EXT2: variants seen among roughly 807,000 people sequenced by gnomAD.
EXT2 encodes exostosin-2.
EXT2 carries 53 observed loss-of-function variants against 81.6 expected under a neutral mutation model. The observed-to-expected ratio is 0.65, with a 90% confidence interval of 0.52 to 0.82. The LOEUF is 0.82. Among genes scored for constraint, EXT2 ranks in the 40% least tolerant of loss-of-function variants. The pLI is 0.00. For missense variants in EXT2, 774 were observed against 910.2 expected, an observed-to-expected ratio of 0.85 and a Z score of 1.93; for synonymous variants, 320 against 340.0, an observed-to-expected ratio of 0.94 and a Z score of 0.65.
intron 1 of EXT2, among the ~76,000 whole-genome samples, chr11:44,101,879 C>A (rs1470655689): frequency 6.7e-6 from 1 of 148,668 alleles, no homozygotes; most frequent in Non-Finnish European, 1.5e-5. Context: ...CACTCTGATG[C>A]GAATAGAACA....
chr11:44,229,947 T>C (rs758660127), intron 10 of EXT2, among the ~76,000 whole-genome samples: 5 of 152,218 alleles, frequency 3.3e-5, no homozygotes, highest in Non-Finnish European at 7.3e-5. Context: ...ACAGTCTCTG[T>C]CCTCTTTGAG....
chr11:44,234,194 T>C lies in EXT2; in HGVS notation c.1886T>C (p.Ile629Thr), dbSNP rs926445557. 2 of 1,614,176 alleles carry C rather than the reference T, an allele frequency of 1.2e-6. No individual in the cohort carries two copies. Among genetic ancestry groups the C allele is most frequent in the Admixed American group, 1.7e-5 (1 of 60,022 alleles). The change falls in exon 12 of 14, where the codon ATT becomes ACT. Residue 629 changes from isoleucine (I) to threonine (T), a missense_variant. Physicochemically the swap from Ile to Thr is moderately conservative, Grantham distance 89. This residue lies in a region of EXT2 where 148 missense variants were observed against 239.7 expected (regional missense o/e 0.62). Coordinates refer to ENST00000533608, the MANE Select transcript of EXT2 (RefSeq NM_207122.2). ...WVDAHMNCED[I>T]AMNFLVANVT... ...GATGCTCATATGAACTGTGAAGATA[T>C]TGCCATGAACTTCCTGGTGGCCAAC...
intron 10 of EXT2, among the ~76,000 whole-genome samples, chr11:44,221,484 T>A (rs1955781490): frequency 6.6e-6 from 1 of 152,194 alleles, no homozygotes; most frequent in South Asian, 2.1e-4. Flanking sequence ...CCTGAAAGGA[T>A]CCATATGTTT....
intron 10 of EXT2, among the ~76,000 whole-genome samples, chr11:44,228,855 T>C (rs190090543): frequency 3.5e-4 from 54 of 152,212 alleles, no homozygotes; most frequent in Admixed American, 1.6e-3. Context: ...ATAGTAATAA[T>C]GTAATTATTA....
intron 1 of EXT2, among the ~76,000 whole-genome samples, chr11:44,102,767 A>G (rs1039456641): frequency 1.3e-5 from 2 of 151,882 alleles, no homozygotes; most frequent in Non-Finnish European, 2.9e-5. Flanking sequence ...TATAGGTCTC[A>G]TTGTGGTCTT....
intron 10 of EXT2, among the ~76,000 whole-genome samples, chr11:44,230,610 T>G (rs1955887424): frequency 6.6e-6 from 1 of 152,054 alleles, no homozygotes; most frequent in Admixed American, 6.5e-5. Flanking sequence ...GATGGCCTTG[T>G]GAAGATGGAG....
At chr11:44,186,154 G>A (rs1955308364) in intron 8 of EXT2, among the ~76,000 whole-genome samples, 1 of 152,154 alleles carries the variant, frequency 6.6e-6, no homozygotes, top group Non-Finnish European at 1.5e-5. Context: ...CTTTTGTACT[G>A]TAAAACAGCT....
chr11:44,244,952 A>T lies in EXT2; in HGVS notation c.*665A>T. On this transcript the variant is annotated 3_prime_UTR_variant, in exon 14 of 14. Coordinates refer to ENST00000533608, the MANE Select transcript of EXT2 (RefSeq NM_207122.2). Reference sequence around the variant, plus strand: ...CTTTTTCTACTGTGTCTTAAACACCAATTCCTGATAGTCCAAGGAACCACC... The same window carrying T: ...CTTTTTCTACTGTGTCTTAAACACCTATTCCTGATAGTCCAAGGAACCACC... 4.3e-6 allele frequency: 1 copy of T among 232,752 alleles called. No homozygotes were observed. Among genetic ancestry groups the T allele is most frequent in the Non-Finnish European group, 8.5e-6 (1 of 117,764 alleles). 14.4% of individuals were successfully genotyped at this position (232,752 alleles called of 1,614,324 possible). A position where few individuals can be genotyped will look rare whatever the true frequency, so the allele number is the denominator to read the frequency against.
chr11:44,112,787 G>A (rs1340056090), intron 3 of EXT2, among the ~76,000 whole-genome samples: 5 of 152,202 alleles, frequency 3.3e-5, no homozygotes, highest in Non-Finnish European at 2.9e-5. Flanking sequence ...CCCGGGGACA[G>A]AATAACAGTA....
chr11:44,152,512 G>T (rs142329797), intron 7 of EXT2, among the ~76,000 whole-genome samples: 1 of 151,994 alleles, frequency 6.6e-6, no homozygotes, highest in South Asian at 2.1e-4. Context: ...CACCACACCC[G>T]GCTAATCTTT....
rs768362293 is a variant in EXT2, at chr11:44,109,174, CA to C, written c.537-19del. 6.2e-7 allele frequency: 1 copy of C among 1,612,380 alleles called. No individual in the cohort carries two copies. Among genetic ancestry groups the C allele is most frequent in the Admixed American group, 1.7e-5 (1 of 60,018 alleles). On this transcript the variant is annotated intron_variant, in intron 2 of 13. Coordinates refer to ENST00000533608, the MANE Select transcript of EXT2 (RefSeq NM_207122.2). The stretch of plus-strand genomic sequence containing the variant: ...CATAGTTGACACATTAATTCTCCTA[CA>C]TTTTAAATTTCTTGACAGGTGGGAT...
intron 10 of EXT2, among the ~76,000 whole-genome samples, chr11:44,225,726 G>A (rs1468225320): frequency 6.6e-6 from 1 of 152,198 alleles, no homozygotes; most frequent in Non-Finnish European, 1.5e-5. Context: ...AGATTGGACT[G>A]GGAGTTCGGG....
intron 7 of EXT2, among the ~76,000 whole-genome samples, chr11:44,139,693 GC>G (rs748590087): frequency 6.6e-5 from 10 of 152,140 alleles, no homozygotes; most frequent in African/African-American, 1.4e-4. Flanking sequence ...TGGGCCAGGG[GC>G]TAAAGCACTC....
intron 1 of EXT2, among the ~76,000 whole-genome samples, chr11:44,103,111 A>C (rs962385955): frequency 6.6e-6 from 1 of 152,044 alleles, no homozygotes; most frequent in African/African-American, 2.4e-5. Flanking sequence ...TGTTCTAAAT[A>C]TTTTATAGTT....
At chr11:44,132,014 G>A (rs886699896) in intron 7 of EXT2, among the ~76,000 whole-genome samples, 3 of 152,224 alleles carry the variant, frequency 2.0e-5, no homozygotes, top group African/African-American at 7.2e-5. Context: ...GGGATTATAG[G>A]CGTGAGCCAC....
At chr11:44,147,775 C>CTTTTTT (rs66961451) in intron 7 of EXT2, among the ~76,000 whole-genome samples, 2,606 of 103,300 alleles carry the variant, frequency 0.025, 195 homozygotes, top group African/African-American at 0.086. Flanking sequence ...TCCACATTGT[C>CTTTTTT]TTTTTTTTTT....
At chr11:44,107,594 AAAAC>A in intron 1 of EXT2, 85 bp from the exon 2 acceptor site, 2 of 1,311,284 alleles carry the variant, frequency 1.5e-6, no homozygotes, top group Non-Finnish European at 2.1e-6. Context: ...AAAACAAAAC[AAAAC>A]AAAAAAAAAG....
chr11:44,216,766 C>T (rs544695596), intron 10 of EXT2, among the ~76,000 whole-genome samples: 175 of 151,598 alleles, frequency 1.2e-3, no homozygotes, highest in African/African-American at 4.1e-3. Context: ...ATTGCACTTC[C>T]GAGAGCTATG....
intron 1 of EXT2, among the ~76,000 whole-genome samples, chr11:44,100,903 G>A (rs899291669): frequency 6.6e-6 from 1 of 152,130 alleles, no homozygotes; most frequent in Non-Finnish European, 1.5e-5. Context: ...CCTCTCTGAT[G>A]CAGAGGACAG....
Sources: allele counts gnomAD v4.1 joint callset (sites outside exome capture counted in the v4.1 genomes callset), GRCh38; gene constraint gnomAD v4.1.1; regional missense constraint gnomAD v4.1.1; transcripts MANE v1.5; gene names NCBI Gene and HGNC (gene_info 2026-07-23, HGNC 2026-07-21).